Variants in BMPR1B observed in about 807,000 individuals in gnomAD.
BMPR1B encodes bone morphogenetic protein receptor type-1B.
In BMPR1B, 12 loss-of-function variants were observed where a neutral mutation model predicts 59.1. The observed-to-expected ratio is 0.20, with a 90% CI of 0.13 to 0.33. BMPR1B has a LOEUF of 0.33. Ranked by LOEUF, BMPR1B falls within the 10% of genes least tolerant of loss-of-function variation. BMPR1B has a pLI of 1.00. For synonymous variants in BMPR1B, 237 were observed against 207.3 expected (o/e 1.14, Z -1.23); for missense variants, 550 against 610.9 (o/e 0.90, Z 1.05).
chr4:94,887,115 G>A (rs997655627), intron 2 of BMPR1B, among the ~76,000 whole-genome samples: 1 of 151,562 alleles, frequency 6.6e-6, no homozygotes, highest in African/African-American at 2.4e-5. Context: ...GTTAAATTAG[G>A]GTTCTGTAAA....
chr4:94,978,949 T>TACATAC (rs1731130772), intron 2 of BMPR1B, among the ~76,000 whole-genome samples: 4 of 147,696 alleles, frequency 2.7e-5, no homozygotes, highest in South Asian at 4.4e-4. Context: ...CACACATACA[T>TACATAC]ACACACACAC....
At chr4:95,014,890 C>G (rs534988256) in intron 3 of BMPR1B, among the ~76,000 whole-genome samples, 1 of 152,142 alleles carries the variant, frequency 6.6e-6, no homozygotes, top group Non-Finnish European at 1.5e-5. Flanking sequence ...AGAATGTCAT[C>G]TAGCAGGGCT....
intron 2 of BMPR1B, among the ~76,000 whole-genome samples, chr4:94,914,002 G>C (rs1490251216): frequency 6.6e-6 from 1 of 152,126 alleles, no homozygotes; most frequent in Non-Finnish European, 1.5e-5. Flanking sequence ...AATAATCATG[G>C]TAAAACTGTG....
At chr4:95,062,563 A>G (rs544991690) in intron 3 of BMPR1B, among the ~76,000 whole-genome samples, 3 of 152,296 alleles carry the variant, frequency 2.0e-5, no homozygotes, top group South Asian at 2.1e-4. Context: ...ATGTTAATCT[A>G]AAGAGATTAC....
intron 1 of BMPR1B, among the ~76,000 whole-genome samples, chr4:94,767,860 A>G (rs571296158): frequency 6.6e-6 from 1 of 152,114 alleles, no homozygotes; most frequent in Non-Finnish European, 1.5e-5. Context: ...TGGATACTAT[A>G]TTCTTCCTCC....
At chr4:95,062,770 C>T (rs1190461785) in intron 3 of BMPR1B, among the ~76,000 whole-genome samples, 1 of 152,098 alleles carries the variant, frequency 6.6e-6, no homozygotes, top group African/African-American at 2.4e-5. Flanking sequence ...TGGCTTTGGG[C>T]AATTGCTGTA....
chr4:95,112,755 C>T (rs1731720396), intron 4 of BMPR1B, among the ~76,000 whole-genome samples: 2 of 152,036 alleles, frequency 1.3e-5, no homozygotes, highest in African/African-American at 4.8e-5. Context: ...AATTTACTGT[C>T]TCTGATGTTT....
intron 3 of BMPR1B, among the ~76,000 whole-genome samples, chr4:95,038,200 C>T (rs889298198): frequency 3.3e-5 from 5 of 152,080 alleles, no homozygotes; most frequent in Admixed American, 2.6e-4. Flanking sequence ...ACACAAAGCT[C>T]TGAGCTGGAT....
chr4:95,124,091 C>T (rs1212105620), intron 7 of BMPR1B, among the ~76,000 whole-genome samples, 185 bp downstream of exon 7: 2 of 151,908 alleles, frequency 1.3e-5, no homozygotes, highest in African/African-American at 4.8e-5. Flanking sequence ...AAATAGATAC[C>T]TATCTCATTT....
intron 3 of BMPR1B, among the ~76,000 whole-genome samples, chr4:95,023,234 C>T (rs12506593): frequency 0.61 from 92,771 of 151,960 alleles, 29,369 homozygotes; most frequent in South Asian, 0.73. Flanking sequence ...TGCCTTCTCC[C>T]ATACAACACA....
chr4:94,840,670 T>G (rs1725021915), intron 1 of BMPR1B, among the ~76,000 whole-genome samples: 1 of 146,576 alleles, frequency 6.8e-6, no homozygotes, highest in African/African-American at 2.5e-5. Flanking sequence ...TCTTCTAAAT[T>G]TTTTTCAAAG....
intron 2 of BMPR1B, among the ~76,000 whole-genome samples, chr4:94,982,790 C>T (rs1721173442): frequency 6.6e-6 from 1 of 152,048 alleles, no homozygotes; most frequent in Non-Finnish European, 1.5e-5. Context: ...CAAGACCATC[C>T]TGGCTAACAC....
chr4:94,867,160 T>A (rs865813382), intron 1 of BMPR1B, among the ~76,000 whole-genome samples: 9 of 152,332 alleles, frequency 5.9e-5, no homozygotes, highest in Middle Eastern at 3.4e-3. Flanking sequence ...AAGAAACCAC[T>A]GTCTCTCATT....
chr4:95,147,251 A>C (rs1244562459), intron 10 of BMPR1B, among the ~76,000 whole-genome samples: 9 of 152,160 alleles, frequency 5.9e-5, no homozygotes, highest in Admixed American at 5.9e-4. Context: ...AGTGACTTTA[A>C]AATGTTCTAA....
At chr4:95,033,811 T>G (rs1434546) in intron 3 of BMPR1B, among the ~76,000 whole-genome samples, 106,904 of 152,088 alleles carry the variant, frequency 0.7, 39,320 homozygotes, top group East Asian at 0.87. Flanking sequence ...AAAGAGGTAA[T>G]TGTTAAAAGC....
chr4:95,040,239 C>G (rs1487746461), intron 3 of BMPR1B, among the ~76,000 whole-genome samples: 1 of 152,094 alleles, frequency 6.6e-6, no homozygotes, highest in East Asian at 1.9e-4. Flanking sequence ...TTTCTAGTAG[C>G]TATTTTCATA....
intron 1 of BMPR1B, among the ~76,000 whole-genome samples, chr4:94,802,973 C>T (rs1384344778): frequency 6.6e-6 from 1 of 152,104 alleles, no homozygotes. Context: ...TGACCTTGTG[C>T]TCACTGTTCC....
At chr4:95,016,850 T>G (rs1444753024) in intron 3 of BMPR1B, among the ~76,000 whole-genome samples, 1 of 152,194 alleles carries the variant, frequency 6.6e-6, no homozygotes, top group Non-Finnish European at 1.5e-5. Flanking sequence ...TGTAACTATA[T>G]AAAGCAACAG....
At chr4:95,067,267 C>T (rs1440524260) in intron 3 of BMPR1B, among the ~76,000 whole-genome samples, 2 of 152,272 alleles carry the variant, frequency 1.3e-5, no homozygotes, top group East Asian at 1.9e-4. Flanking sequence ...TAGAAAATTG[C>T]TAAGGGCATT....
Sources: allele counts gnomAD v4.1 joint callset (sites outside exome capture counted in the v4.1 genomes callset), GRCh38; gene constraint gnomAD v4.1.1; transcripts MANE v1.5; gene names NCBI Gene and HGNC (gene_info 2026-07-23, HGNC 2026-07-21).